Variants in PPA2 observed in about 807,000 individuals in gnomAD.
PPA2 encodes the protein inorganic pyrophosphatase 2.
PPA2 carries 48 observed loss-of-function variants against 49.5 expected under a neutral mutation model. That is an observed-to-expected ratio of 0.97 (90% CI 0.77 to 1.23). The LOEUF is 1.23. Ranked by LOEUF, PPA2 falls within the 50% of genes most tolerant of loss-of-function variation. PPA2 has a pLI of 0.00. For missense variants in PPA2, 429 were observed against 410.1 expected (o/e 1.05, Z -0.40); for synonymous variants, 131 against 139.9 (o/e 0.94, Z 0.45).
chr4:105,392,821 A>T (rs575384283), intron 9 of PPA2, among the ~76,000 whole-genome samples: 1 of 152,354 alleles, frequency 6.6e-6, no homozygotes, highest in African/African-American at 2.4e-5. Flanking sequence ...AGGAACTTAT[A>T]TTCTAGAGAA....
intron 7 of PPA2, among the ~76,000 whole-genome samples, chr4:105,423,924 T>C (rs932954012): frequency 2.0e-5 from 3 of 149,322 alleles, no homozygotes; most frequent in Admixed American, 6.7e-5. Context: ...ATCAAAATCA[T>C]GGAAGTAAGG....
At chr4:105,449,142 G>A (rs1468880159) in intron 4 of PPA2, among the ~76,000 whole-genome samples, 6 of 123,114 alleles carry the variant, frequency 4.9e-5, no homozygotes, top group East Asian at 4.6e-4. Flanking sequence ...GCGTGAACCC[G>A]GGAGGCGGAG....
At chr4:105,450,523 C>T (rs1425913680) in intron 3 of PPA2, among the ~76,000 whole-genome samples, 1 of 151,458 alleles carries the variant, frequency 6.6e-6, no homozygotes, top group Admixed American at 6.6e-5. Context: ...ATTACAGGTG[C>T]CCGCCAGCAC....
intron 7 of PPA2, 200 bp from the exon 8 acceptor site, chr4:105,399,364 T>G: frequency 4.6e-6 from 2 of 432,616 alleles, no homozygotes; most frequent in Non-Finnish European, 8.0e-6. Flanking sequence ...TATAATACTA[T>G]TCCTGCACTC....
At chr4:105,390,835 G>A (rs926907403) in intron 9 of PPA2, among the ~76,000 whole-genome samples, 3 of 152,110 alleles carry the variant, frequency 2.0e-5, no homozygotes, top group African/African-American at 7.2e-5. Flanking sequence ...TCATTACTGG[G>A]TATATGCCCA....
intron 7 of PPA2, among the ~76,000 whole-genome samples, chr4:105,412,654 C>T (rs1262324130): frequency 6.6e-6 from 1 of 151,986 alleles, no homozygotes; most frequent in Non-Finnish European, 1.5e-5. Context: ...AAAACAACCC[C>T]ATCAAAAAGT....
rs568147034 is a variant in PPA2 at position 105,472,879 on chromosome 4, C to CAT, written c.157+1013_157+1014dup. 7.2e-4 allele frequency among the ~76,000 whole-genome samples: 110 copies of CAT among 152,238 alleles called. 1 individual carries two copies. The highest frequency in any genetic ancestry group is 3.4e-3 in the Middle Eastern group (1 of 294). On this transcript the variant is annotated intron_variant, in intron 1 of 11. Transcript: ENST00000341695. ...TTAGGCCCTGTGACTAATCAGTTTACATATATAATGTCATGTAATACTTGC... is the reference window on the plus strand; with the variant it reads ...TTAGGCCCTGTGACTAATCAGTTTACATATATATAATGTCATGTAATACTTGC...
intron 10 of PPA2, among the ~76,000 whole-genome samples, chr4:105,374,624 C>T (rs1733162306): frequency 6.6e-6 from 1 of 152,122 alleles, no homozygotes; most frequent in Non-Finnish European, 1.5e-5. Context: ...TACCAGGTCC[C>T]TATAAGCATT....
chr4:105,372,033 GAAGT>G (rs1266399138), intron 10 of PPA2, among the ~76,000 whole-genome samples: 6 of 152,180 alleles, frequency 3.9e-5, no homozygotes, highest in African/African-American at 1.4e-4. Context: ...GGCCCCTGCA[GAAGT>G]AACGGTGGGT....
chr4:105,472,681 T>C (rs1295537307), intron 1 of PPA2, among the ~76,000 whole-genome samples: 4 of 152,174 alleles, frequency 2.6e-5, no homozygotes, highest in African/African-American at 4.8e-5. Context: ...CAACCAATTT[T>C]GAAGAAAATA....
intron 6 of PPA2, among the ~76,000 whole-genome samples, chr4:105,425,723 T>TACACACACACAC (rs59144523): frequency 3.3e-5 from 4 of 122,448 alleles, no homozygotes; most frequent in Non-Finnish European, 7.1e-5. Flanking sequence ...CACATGCACA[T>TACACACACACAC]ACACACACAC....
At chr4:105,414,636 G>C (rs927002899) in intron 7 of PPA2, among the ~76,000 whole-genome samples, 1 of 152,252 alleles carries the variant, frequency 6.6e-6, no homozygotes, top group Non-Finnish European at 1.5e-5. Context: ...GCCCCAAAGA[G>C]GGTGTCACAG....
intron 1 of PPA2, among the ~76,000 whole-genome samples, chr4:105,471,054 G>T (rs1366690231): frequency 2.6e-5 from 4 of 152,124 alleles, no homozygotes; most frequent in African/African-American, 9.7e-5. Context: ...ACTTAAATAG[G>T]CAAATTCTTC....
intron 1 of PPA2, among the ~76,000 whole-genome samples, chr4:105,472,454 G>A (rs766766216): frequency 6.6e-5 from 10 of 152,110 alleles, no homozygotes; most frequent in Non-Finnish European, 1.2e-4. Context: ...ATTAATTACC[G>A]TACTTATTGC....
intron 7 of PPA2, among the ~76,000 whole-genome samples, chr4:105,421,201 A>G (rs903519298): frequency 2.0e-4 from 30 of 152,352 alleles, no homozygotes; most frequent in African/African-American, 6.5e-4. Context: ...AACACAGTTG[A>G]TAAATGTTTA....
intron 6 of PPA2, among the ~76,000 whole-genome samples, chr4:105,435,267 T>G (rs1723996100): frequency 6.6e-6 from 1 of 152,216 alleles, no homozygotes; most frequent in Non-Finnish European, 1.5e-5. Context: ...ATTTATTTCA[T>G]ATTTAGTAAG....
rs1299437220 is a variant in PPA2 at position 105,439,917 on chromosome 4, G to A, written c.442-1881C>T. Among the ~76,000 whole-genome samples the A allele has an allele frequency of 2.1e-5, 3 of 141,456 alleles. No individual in the cohort carries two copies. The Admixed American group carries it at 2.3e-4, about 11-fold the overall frequency. 92.8% of individuals were successfully genotyped at this position (141,456 alleles called of 152,430 possible). ...TTGTCACTGTTCAATTCCTACCTAT[G>A]AGTGAGAACATGTGGTGTTTGGTTT... On this transcript the variant is annotated intron_variant, in intron 5 of 11. Transcript: ENST00000341695.
intron 9 of PPA2, among the ~76,000 whole-genome samples, chr4:105,395,750 G>C (rs1734112890): frequency 6.6e-6 from 1 of 152,066 alleles, no homozygotes; most frequent in Non-Finnish European, 1.5e-5. Flanking sequence ...TGTTATGTTA[G>C]AGTGTATATA....
intron 5 of PPA2, among the ~76,000 whole-genome samples, chr4:105,440,296 C>T (rs1724288876): frequency 6.6e-6 from 1 of 151,662 alleles, no homozygotes; most frequent in South Asian, 2.1e-4. Context: ...GAGTCTCCCT[C>T]TGTCTACCAG....
Sources: allele counts gnomAD v4.1 joint callset (sites outside exome capture counted in the v4.1 genomes callset), GRCh38; gene constraint gnomAD v4.1.1; transcripts MANE v1.5; gene names NCBI Gene and HGNC (gene_info 2026-07-23, HGNC 2026-07-21).